Variants in DACH2 observed in about 807,000 individuals in gnomAD.
DACH2 encodes dachshund family transcription factor 2.
In DACH2, 17 loss-of-function variants were observed where a neutral mutation model predicts 35.8. The ratio of observed to expected loss-of-function variants is 0.48; its 90% CI spans 0.33 to 0.71. The LOEUF is 0.71. Ranked by LOEUF, DACH2 falls within the 30% of genes least tolerant of loss-of-function variation. The probability of loss-of-function intolerance (pLI) is 0.02; values close to 1 mark genes in which losing one functional copy is unlikely to be tolerated. For synonymous variants in DACH2, 195 were observed against 177.3 expected, an observed-to-expected ratio of 1.10 and a Z score of -0.79; for missense variants, 469 against 472.7, an observed-to-expected ratio of 0.99 and a Z score of 0.07.
intron 5 of DACH2, among the ~76,000 whole-genome samples, chrX:86,701,615 C>G (rs1486473675): frequency 9.0e-6 from 1 of 111,478 alleles, no homozygotes; most frequent in Admixed American, 9.6e-5. Flanking sequence ...GAAATTAACC[C>G]AAATGCCCGT....
chrX:86,260,553 TG>T (rs1366082774), intron 1 of DACH2, among the ~76,000 whole-genome samples: 1 of 112,258 alleles, frequency 8.9e-6, no homozygotes, highest in Non-Finnish European at 1.9e-5. Context: ...TTCTAGTGGC[TG>T]GAAATCATAC....
intron 10 of DACH2, among the ~76,000 whole-genome samples, chrX:86,815,294 C>T (rs1256418149): frequency 9.0e-6 from 1 of 111,354 alleles, no homozygotes; most frequent in Non-Finnish European, 1.9e-5. Flanking sequence ...TAAATCCCTG[C>T]AGATCCTGTA....
At chrX:86,329,654 AG>A (rs768518330) in intron 1 of DACH2, among the ~76,000 whole-genome samples, 2 of 111,368 alleles carry the variant, frequency 1.8e-5, no homozygotes, top group African/African-American at 6.5e-5. Context: ...GGGTTGTGTA[AG>A]TCTGTGTTAG....
At chrX:86,658,734 ATATAGT>A (rs1230010775) in intron 4 of DACH2, among the ~76,000 whole-genome samples, 1 of 111,957 alleles carries the variant, frequency 8.9e-6, no homozygotes, top group Non-Finnish European at 1.9e-5. Context: ...CAAATTAGAA[ATATAGT>A]TATACAGTAG....
chrX:86,297,078 G>A (rs927480109), intron 1 of DACH2, among the ~76,000 whole-genome samples: 34 of 98,115 alleles, frequency 3.5e-4, no homozygotes, highest in African/African-American at 1.3e-3. Flanking sequence ...TATAATTAGA[G>A]CACTTAACAC....
At position 86,257,790 on chromosome X, in the gene DACH2, A is replaced by G. The variant is rs184176952; in HGVS notation, c.488+108682A>G. On this transcript the variant is annotated intron_variant, in intron 1 of 11. Coordinates refer to ENST00000373125, the MANE Select transcript of DACH2 (RefSeq NM_053281.3). ...AGTCTAATTAATTCTAATGACAATA[A>G]CTATATAAAAATATTGTCATTATGG... is the stretch of plus-strand genomic sequence containing the variant. Among the ~76,000 whole-genome samples, 24 of 112,167 alleles carry G rather than the reference A, an allele frequency of 2.1e-4. No homozygotes were observed. In the East Asian group the frequency reaches 5.6e-3, roughly 26 times the overall value.
rs1431153560 is a variant in DACH2 at position 86,695,153 on chromosome X, T to C, written c.905T>C (p.Leu302Pro). The C allele has an allele frequency of 1.8e-6, 2 of 1,092,785 alleles. No homozygotes were observed. The highest frequency in any genetic ancestry group is 6.4e-5 in the Admixed American group (2 of 31,069). 90.1% of individuals were successfully genotyped at this position (1,092,785 alleles called of 1,213,427 possible). The change falls in exon 5 of 12, where the codon CTG becomes CCG. Residue 302 changes from leucine (L) to proline (P), a missense_variant. Transcript: ENST00000373125. ...GGGGGTGCTCCAACCCTCAATCCAC[T>C]GCAGCAGAACCACCTGCTAACCAAT... ...GIGGAPTLNP[L>P]QQNHLLTNRL...
At chrX:86,295,455 C>T (rs2034430709) in intron 1 of DACH2, among the ~76,000 whole-genome samples, 1 of 111,716 alleles carries the variant, frequency 9.0e-6, no homozygotes, top group Non-Finnish European at 1.9e-5. Flanking sequence ...CCAACCAGTT[C>T]ACTCTCTCTG....
intron 1 of DACH2, among the ~76,000 whole-genome samples, chrX:86,302,082 A>G (rs1339928599): frequency 8.9e-6 from 1 of 112,027 alleles, no homozygotes; most frequent in Non-Finnish European, 1.9e-5. Flanking sequence ...TAATGCATGA[A>G]GAAAAAAATG....
At chrX:86,315,840 C>CAGAG (rs1166125637) in intron 1 of DACH2, among the ~76,000 whole-genome samples, 2 of 77,862 alleles carry the variant, frequency 2.6e-5, no homozygotes, top group African/African-American at 1.0e-4. Flanking sequence ...CACACACACA[C>CAGAG]AGAGAGAGAG....
intron 2 of DACH2, among the ~76,000 whole-genome samples, chrX:86,498,448 T>C (rs1413630269): frequency 5.3e-5 from 6 of 112,231 alleles, no homozygotes. Context: ...AGATGATTTA[T>C]AAGAACATTG....
At chrX:86,741,575 G>T (rs2041656432) in intron 7 of DACH2, among the ~76,000 whole-genome samples, 1 of 111,932 alleles carries the variant, frequency 8.9e-6, no homozygotes. Context: ...ACGTCTTCTA[G>T]CTTTACTCTT....
chrX:86,673,097 A>C (rs2040784702), intron 4 of DACH2, among the ~76,000 whole-genome samples: 1 of 111,062 alleles, frequency 9.0e-6, no homozygotes, highest in Non-Finnish European at 1.9e-5. Context: ...GCACTTTGGG[A>C]GGCCGAGGCG....
chrX:86,149,706 C>T (rs891473495), intron 1 of DACH2, among the ~76,000 whole-genome samples: 11 of 112,300 alleles, frequency 9.8e-5, no homozygotes, highest in African/African-American at 3.6e-4. Flanking sequence ...TGCAAGTGCG[C>T]GTGAGAACGT....
intron 2 of DACH2, among the ~76,000 whole-genome samples, chrX:86,442,519 T>C (rs2037185944): frequency 9.1e-6 from 1 of 109,777 alleles, no homozygotes; most frequent in Non-Finnish European, 1.9e-5. Flanking sequence ...TTGTGGTGAT[T>C]GTTTCTTTTG....
At chrX:86,802,841 G>A (rs2042307813) in intron 7 of DACH2, among the ~76,000 whole-genome samples, 1 of 111,303 alleles carries the variant, frequency 9.0e-6, no homozygotes, top group Non-Finnish European at 1.9e-5. Context: ...ATGGAAATGG[G>A]TGCCCTCCTC....
chrX:86,741,590 A>G (rs2041656626), intron 7 of DACH2, among the ~76,000 whole-genome samples: 1 of 111,614 alleles, frequency 9.0e-6, no homozygotes. Context: ...ACTCTTTTCT[A>G]CGACATAGAC....
At chrX:86,511,156 A>G (rs1256779814) in intron 2 of DACH2, among the ~76,000 whole-genome samples, 1 of 111,832 alleles carries the variant, frequency 8.9e-6, no homozygotes, top group African/African-American at 3.2e-5. Context: ...TCATATATCA[A>G]GAAAGATCCT....
At position 86,544,096 on chromosome X, in the gene DACH2, A is replaced by G. The variant is rs768796461; in HGVS notation, c.640+29705A>G. Among the ~76,000 whole-genome samples, 7 of 111,921 alleles carry G rather than the reference A, an allele frequency of 6.3e-5. No individual in the cohort carries two copies. The South Asian group carries it at 2.6e-3, about 42-fold the overall frequency. Reference sequence around the variant, plus strand: ...TGAAATAACCTATTCAGACAATAATAAAGAAAAAAGATTAAAGAAGAATGA... The same window carrying G: ...TGAAATAACCTATTCAGACAATAATGAAGAAAAAAGATTAAAGAAGAATGA... On this transcript the variant is annotated intron_variant, in intron 3 of 11. Transcript: ENST00000373125.
Sources: allele counts gnomAD v4.1 joint callset (sites outside exome capture counted in the v4.1 genomes callset), GRCh38; gene constraint gnomAD v4.1.1; transcripts MANE v1.5; gene names NCBI Gene and HGNC (gene_info 2026-07-23, HGNC 2026-07-21).